Variants in AFAP1L2 observed in about 807,000 individuals in gnomAD.
AFAP1L2 encodes the protein actin filament-associated protein 1-like 2.
A neutral mutation model predicts 99.3 loss-of-function variants in AFAP1L2; 46 were observed. That is an observed-to-expected ratio of 0.46 (90% CI 0.37 to 0.59). AFAP1L2 has a LOEUF of 0.59. Among genes scored for constraint, AFAP1L2 ranks in the 20% least tolerant of loss-of-function variants. The pLI, the probability that AFAP1L2 is intolerant of heterozygous loss-of-function variation, is 0.00. For synonymous variants in AFAP1L2, 397 were observed against 419.1 expected, an observed-to-expected ratio of 0.95 and a Z score of 0.64; for missense variants, 959 against 1,034.9, an observed-to-expected ratio of 0.93 and a Z score of 1.01.
intron 2 of AFAP1L2, among the ~76,000 whole-genome samples, chr10:114,337,779 A>G (rs2048204018): frequency 6.6e-6 from 1 of 152,212 alleles, no homozygotes; most frequent in African/African-American, 2.4e-5. Context: ...CCAGTTCCCA[A>G]CAGAGGTGTT....
chr10:114,362,261 C>A (rs929578753), intron 1 of AFAP1L2, among the ~76,000 whole-genome samples: 1 of 152,114 alleles, frequency 6.6e-6, no homozygotes, highest in Admixed American at 6.5e-5. Context: ...TTTGTGCCCT[C>A]CCCAAAAAAG....
intron 1 of AFAP1L2, chr10:114,398,849 A>C (rs1590892253): frequency 2.3e-6 from 3 of 1,304,182 alleles, no homozygotes; most frequent in South Asian, 1.2e-5. Flanking sequence ...GCTCATACTC[A>C]CACGCAGAAA....
downstream of AFAP1L2, among the ~76,000 whole-genome samples, chr10:114,291,808 C>T (rs932702414): frequency 7.2e-5 from 11 of 152,146 alleles, no homozygotes; most frequent in African/African-American, 2.2e-4. Context: ...TGACTTCTGG[C>T]GACTGCCTTT....
Position 114,352,619 on chromosome 10 carries a change from A to C in AFAP1L2, c.17-11888T>G, listed in dbSNP as rs74479169. Among the ~76,000 whole-genome samples the C allele has an allele frequency of 7.0e-3, 1,060 of 152,332 alleles. 6 individuals are homozygous for C. Among genetic ancestry groups the C allele is most frequent in the Non-Finnish European group, 0.011 (742 of 68,020 alleles). ...CCTTGCAGGAAACCACCTTCATAGA[A>C]ACATACAGTACTGAGAATGAACGAG... On this transcript the variant is annotated intron_variant, in intron 1 of 18. Coordinates refer to ENST00000304129, the MANE Select transcript of AFAP1L2 (RefSeq NM_001001936.3).
chr10:114,362,741 T>C (rs2052619823), intron 1 of AFAP1L2, among the ~76,000 whole-genome samples: 1 of 152,156 alleles, frequency 6.6e-6, no homozygotes, highest in Non-Finnish European at 1.5e-5. Flanking sequence ...TAGGGGTCCG[T>C]AGCTTTAGGA....
At chr10:114,325,810 G>C in intron 4 of AFAP1L2, 1 of 1,205,560 alleles carries the variant, frequency 8.3e-7, no homozygotes, top group Non-Finnish European at 1.1e-6. Flanking sequence ...AAAAGGCTGA[G>C]ACAGTGACAG....
At chr10:114,359,245 G>A (rs2051855583) in intron 1 of AFAP1L2, among the ~76,000 whole-genome samples, 1 of 152,328 alleles carries the variant, frequency 6.6e-6, no homozygotes, top group Non-Finnish European at 1.5e-5. Context: ...TATAATATTT[G>A]TTAAGCATGG....
chr10:114,351,511 A>G (rs951283842), intron 1 of AFAP1L2, among the ~76,000 whole-genome samples: 46 of 152,174 alleles, frequency 3.0e-4, no homozygotes, highest in Non-Finnish European at 4.4e-5. Context: ...CCCTGCCTCC[A>G]AGCAGGTCAA....
At chr10:114,349,413 A>C (rs2050113495) in intron 1 of AFAP1L2, among the ~76,000 whole-genome samples, 3 of 151,364 alleles carry the variant, frequency 2.0e-5, no homozygotes, top group Admixed American at 1.3e-4. Context: ...AGAAAAGAAA[A>C]GAGAAACAAA....
intron 15 of AFAP1L2, 143 bp from the exon 16 acceptor site, chr10:114,299,558 C>A: frequency 1.1e-6 from 1 of 911,366 alleles, no homozygotes; most frequent in East Asian, 2.6e-5. Context: ...ACAGGTCCCT[C>A]TACCTCTCTG....
intron 1 of AFAP1L2, among the ~76,000 whole-genome samples, chr10:114,358,689 T>C (rs939194650): frequency 3.3e-5 from 5 of 152,070 alleles, no homozygotes; most frequent in African/African-American, 1.2e-4. Flanking sequence ...CTGAGGTGGG[T>C]GGATCACCTG....
At chr10:114,362,367 G>T (rs1010392313) in intron 1 of AFAP1L2, among the ~76,000 whole-genome samples, 2 of 152,318 alleles carry the variant, frequency 1.3e-5, no homozygotes, top group East Asian at 1.9e-4. Flanking sequence ...TTGAGATAAG[G>T]TTATCCTGGG....
rs766929781 is a variant in AFAP1L2, at chr10:114,352,479, T to TAAAAAA, written c.17-11754_17-11749dup. Reference sequence around the variant, plus strand: ...ACAGAGCAAGACTCTGTCTCCAAATTAAAAAAAAAAAAAAAAAAAAGCAAC... The same window carrying TAAAAAA: ...ACAGAGCAAGACTCTGTCTCCAAATTAAAAAAAAAAAAAAAAAAAAAAAAAAGCAAC... On this transcript the variant is annotated intron_variant, in intron 1 of 18. Transcript: ENST00000304129. Among the ~76,000 whole-genome samples, 288 of 71,368 alleles carry TAAAAAA rather than the reference T, an allele frequency of 4.0e-3. 32 individuals carry two copies. The highest frequency in any genetic ancestry group is 0.048 in the Middle Eastern group (2 of 42). 46.8% of individuals were successfully genotyped at this position (71,368 alleles called of 152,430 possible).
At chr10:114,341,058 C>A (rs2048750784) in intron 1 of AFAP1L2, among the ~76,000 whole-genome samples, 1 of 152,254 alleles carries the variant, frequency 6.6e-6, no homozygotes, top group Non-Finnish European at 1.5e-5. Context: ...CCTCACAGGG[C>A]TCTTGTGAAA....
chr10:114,378,774 T>C (rs1459824841), intron 1 of AFAP1L2, among the ~76,000 whole-genome samples: 1 of 152,200 alleles, frequency 6.6e-6, no homozygotes, highest in African/African-American at 2.4e-5. Flanking sequence ...AGAGAACCCA[T>C]GGAGAAAGAA....
At chr10:114,396,653 T>A (rs1342343461) in intron 1 of AFAP1L2, among the ~76,000 whole-genome samples, 1 of 152,186 alleles carries the variant, frequency 6.6e-6, no homozygotes, top group Non-Finnish European at 1.5e-5. Flanking sequence ...ACAATAACTT[T>A]ATTGGTAGAA....
intron 1 of AFAP1L2, among the ~76,000 whole-genome samples, chr10:114,379,124 A>G (rs947697578): frequency 6.6e-6 from 1 of 151,986 alleles, no homozygotes; most frequent in African/African-American, 2.4e-5. Flanking sequence ...GAGGCATAAG[A>G]ATTGGTTGAG....
At chr10:114,290,179 G>GGGGTCTTC, downstream of AFAP1L2, 1 of 1,538,980 alleles carries the variant, frequency 6.5e-7, no homozygotes. Context: ...ACTTAGGGTA[G>GGGGTCTTC]GGGTCTTCGG....
At chr10:114,292,134 G>A (rs760543867), downstream of AFAP1L2, among the ~76,000 whole-genome samples, 5 of 152,048 alleles carry the variant, frequency 3.3e-5, no homozygotes, top group Non-Finnish European at 5.9e-5. Flanking sequence ...AAAGGTAGCC[G>A]GGGGTGGTGG....
Sources: allele counts gnomAD v4.1 joint callset (sites outside exome capture counted in the v4.1 genomes callset), GRCh38; gene constraint gnomAD v4.1.1; transcripts MANE v1.5; gene names NCBI Gene and HGNC (gene_info 2026-07-23, HGNC 2026-07-21).